Variants in CADM2 observed in about 807,000 individuals in gnomAD.
CADM2 encodes cell adhesion molecule 2, also known as immunoglobulin superfamily member 4D.
CADM2 carries 12 observed loss-of-function variants against 49.8 expected under a neutral mutation model. That is an observed-to-expected ratio of 0.24 (90% CI 0.15 to 0.39). CADM2 has a LOEUF of 0.39. Among genes scored for constraint, CADM2 ranks in the 10% least tolerant of loss-of-function variants. The pLI is 1.00. For missense variants in CADM2, 378 were observed against 492.3 expected (o/e 0.77, Z 2.20); for synonymous variants, 214 against 175.4 (o/e 1.22, Z -1.74).
intron 5 of CADM2, among the ~76,000 whole-genome samples, chr3:85,907,372 A>G (rs1410797364): frequency 1.3e-5 from 2 of 152,218 alleles, no homozygotes; most frequent in Non-Finnish European, 2.9e-5. Context: ...CACTAAGACC[A>G]TGCTGTTTTG....
At chr3:85,800,912 C>A (rs12714640) in intron 2 of CADM2, 22,046 of 152,236 alleles carry the variant, frequency 0.14, 2,022 homozygotes, top group Non-Finnish European at 0.2. Flanking sequence ...CCAGCATAAC[C>A]TCAAGTGGTG....
chr3:85,207,911 T>C (rs954662951), intron 1 of CADM2, among the ~76,000 whole-genome samples: 6 of 152,164 alleles, frequency 3.9e-5, no homozygotes, highest in Non-Finnish European at 5.9e-5. Flanking sequence ...CTTTGTTTTG[T>C]GTATATTTCT....
intron 1 of CADM2, among the ~76,000 whole-genome samples, chr3:85,514,830 G>T (rs1455940924): frequency 1.3e-5 from 2 of 151,808 alleles, no homozygotes; most frequent in South Asian, 2.1e-4. Flanking sequence ...TCCTATTTCG[G>T]TAAGCAATGA....
chr3:85,780,820 T>C (rs2070601788), intron 2 of CADM2, among the ~76,000 whole-genome samples: 1 of 152,180 alleles, frequency 6.6e-6, no homozygotes, highest in Non-Finnish European at 1.5e-5. Context: ...TATCCCTGTA[T>C]CTGTTCCCTC....
intron 2 of CADM2, among the ~76,000 whole-genome samples, chr3:85,740,136 G>T (rs891509852): frequency 6.6e-6 from 1 of 152,188 alleles, no homozygotes; most frequent in Non-Finnish European, 1.5e-5. Flanking sequence ...TTGGAATCCA[G>T]TTGGCATGCA....
chr3:85,938,549 C>T (rs1721454949), intron 7 of CADM2, among the ~76,000 whole-genome samples: 1 of 151,854 alleles, frequency 6.6e-6, no homozygotes, highest in Non-Finnish European at 1.5e-5. Flanking sequence ...TTAAGATAGC[C>T]ATACAAGAGT....
chr3:85,676,675 A>G (rs1460633544), intron 1 of CADM2, among the ~76,000 whole-genome samples: 3 of 152,072 alleles, frequency 2.0e-5, no homozygotes, highest in Non-Finnish European at 4.4e-5. Flanking sequence ...TACACTTATT[A>G]TAGCCTATTC....
chr3:85,437,432 T>C lies in CADM2; in HGVS notation c.62-289090T>C, dbSNP rs143587806. ...AGCTTTGTAAGAAACTGCCAGCATG[T>C]CTCCAAAGTGGCTATGCCACTTTGC... On this transcript the variant is annotated intron_variant, in intron 1 of 9. Coordinates refer to ENST00000383699, the MANE Select transcript of CADM2 (RefSeq NM_001167675.2). Among the ~76,000 whole-genome samples, 231 of 152,244 alleles carry C rather than the reference T, an allele frequency of 1.5e-3. 1 individual carries two copies. The highest frequency in any genetic ancestry group is 5.1e-3 in the African/African-American group (210 of 41,560).
intron 1 of CADM2, among the ~76,000 whole-genome samples, chr3:85,384,300 CT>C (rs1217404404): frequency 3.3e-5 from 5 of 151,788 alleles, no homozygotes; most frequent in South Asian, 2.1e-4. Flanking sequence ...TTAAATTTTT[CT>C]TTTTTTTCTT....
intron 1 of CADM2, among the ~76,000 whole-genome samples, chr3:85,363,371 G>T (rs1238516632): frequency 6.6e-6 from 1 of 152,070 alleles, no homozygotes; most frequent in Admixed American, 6.5e-5. Flanking sequence ...AATGCAAACA[G>T]AATGGTAATG....
chr3:85,631,657 A>T (rs2064311382), intron 1 of CADM2, among the ~76,000 whole-genome samples: 1 of 152,130 alleles, frequency 6.6e-6, no homozygotes, highest in African/African-American at 2.4e-5. Context: ...TTAATATTAA[A>T]TGTGTACACC....
intron 1 of CADM2, among the ~76,000 whole-genome samples, chr3:85,259,929 A>G (rs2042976983): frequency 6.6e-6 from 1 of 152,114 alleles, no homozygotes; most frequent in South Asian, 2.1e-4. Context: ...TGCAGACACA[A>G]TCTAAAGGTT....
At chr3:85,853,157 C>T (rs746509694) in intron 3 of CADM2, among the ~76,000 whole-genome samples, 15 of 151,578 alleles carry the variant, frequency 9.9e-5, no homozygotes, top group Non-Finnish European at 4.4e-5. Context: ...GTAATTAAAA[C>T]CATAAGTAGA....
intron 1 of CADM2, among the ~76,000 whole-genome samples, chr3:85,090,087 A>G (rs1293001344): frequency 6.6e-6 from 1 of 152,162 alleles, no homozygotes; most frequent in Non-Finnish European, 1.5e-5. Context: ...GAAGAAATTT[A>G]CATCCAGTAC....
chr3:85,255,050 C>T (rs1045105688), intron 1 of CADM2, among the ~76,000 whole-genome samples: 8 of 151,964 alleles, frequency 5.3e-5, no homozygotes, highest in African/African-American at 1.9e-4. Context: ...AACTCATAGT[C>T]CAAGTATGTA....
chr3:85,421,006 A>T (rs2036143627), intron 1 of CADM2, among the ~76,000 whole-genome samples: 1 of 152,206 alleles, frequency 6.6e-6, no homozygotes, highest in African/African-American at 2.4e-5. Context: ...TTATTTAAAT[A>T]GCAGAAAATA....
intron 8 of CADM2, chr3:85,979,352 G>A: frequency 2.0e-6 from 3 of 1,508,912 alleles, no homozygotes; most frequent in East Asian, 2.3e-5. Context: ...TTTTTAGAAA[G>A]GTTAAAAACA....
At position 85,359,661 on chromosome 3, in the gene CADM2, TATATA is replaced by T. The variant is rs1422801097; in HGVS notation, c.62-366860_62-366856del. Among the ~76,000 whole-genome samples, 9 of 28,512 alleles carry T rather than the reference TATATA, an allele frequency of 3.2e-4. 1 individual carries two copies. The highest frequency in any genetic ancestry group is 6.4e-4 in the African/African-American group (7 of 11,022). 18.7% of individuals were successfully genotyped at this position (28,512 alleles called of 152,430 possible). A position where few individuals can be genotyped will look rare whatever the true frequency, so the allele number is the denominator to read the frequency against. On this transcript the variant is annotated intron_variant, in intron 1 of 9. Transcript: ENST00000383699. ...GCATATATATATATATATATATATA[TATATA>T]TTTTTTTTTTTGGTGGAGGGGAGAA...
At chr3:84,964,046 G>A (rs899924786) in intron 1 of CADM2, among the ~76,000 whole-genome samples, 4 of 152,170 alleles carry the variant, frequency 2.6e-5, no homozygotes, top group African/African-American at 9.7e-5. Flanking sequence ...ATATCAAGAT[G>A]TGGAAGCTTA....
Sources: gnomAD v4.1 joint callset for allele counts (sites outside exome capture counted in the v4.1 genomes callset) on GRCh38, gnomAD v4.1.1 for gene constraint, MANE v1.5 for transcripts, NCBI Gene and HGNC (gene_info 2026-07-23, HGNC 2026-07-21) for gene names.